Variants in JAG2 observed in about 807,000 individuals in gnomAD.
The protein encoded by JAG2 is jagged canonical Notch ligand 2.
In JAG2, 46 loss-of-function variants were observed where a neutral mutation model predicts 141.7. That is an observed-to-expected ratio of 0.32 (90% CI 0.26 to 0.42). The LOEUF (loss-of-function observed/expected upper bound fraction) is 0.42. Ranked by LOEUF, JAG2 falls within the 10% of genes least tolerant of loss-of-function variation. The probability of loss-of-function intolerance (pLI) is 1.00; values close to 1 mark genes in which losing one functional copy is unlikely to be tolerated. For missense variants in JAG2, 1,500 were observed against 1,817.5 expected (o/e 0.83, Z 3.18); for synonymous variants, 862 against 763.5 (o/e 1.13, Z -2.13).
chr14:105,146,323 G>T, intron 22 of JAG2, 62 bp downstream of exon 22: 4 of 1,397,648 alleles, frequency 2.9e-6, no homozygotes, highest in South Asian at 2.3e-5. Context: ...ATCTCACAGA[G>T]TGGCCAGGGT....
rs1595174256 is a variant in JAG2 at position 105,147,130 on chromosome 14, A to C, written c.2479+196T>G. 25 of 636,886 alleles carry C rather than the reference A, an allele frequency of 3.9e-5. No homozygotes were observed. In the East Asian group the frequency reaches 6.6e-4, roughly 17 times the overall value. The allele number at this position is 636,886 out of a possible 1,614,324, so 39.5% of individuals were successfully genotyped here. A position where few individuals can be genotyped will look rare whatever the true frequency, so the allele number is the denominator to read the frequency against. ...CTGGTCCCCCAGGCTGGGGCTCCCC[A>C]CTTAATCACTTGGCAGGGTATACAG... On this transcript the variant is annotated intron_variant, in intron 20 of 25. Coordinates refer to ENST00000331782, the MANE Select transcript of JAG2 (RefSeq NM_002226.5).
chr14:105,147,426 G>T lies in JAG2; in HGVS notation c.2394-15C>A. On this transcript the variant is annotated splice_polypyrimidine_tract_variant and intron_variant, in intron 19 of 25. Coordinates refer to ENST00000331782, the MANE Select transcript of JAG2 (RefSeq NM_002226.5). ...CACCATTGTAGCTGCAGAGCAGAGG[G>T]TGGGCATCAGGTGGCCCCCCGTGGT... The T allele has an allele frequency of 6.2e-7, 1 of 1,611,174 alleles. No individual in the cohort carries two copies. The highest frequency in any genetic ancestry group is 8.5e-7 in the Non-Finnish European group (1 of 1,179,106).
Position 105,151,070 on chromosome 14 carries a change from G to A in JAG2, c.1302C>T (p.Asn434=), listed in dbSNP as rs369448615. ...ANECEGKPCL[N]AFSCKNLIGG... is the part of the protein sequence containing the mutation. The stretch of plus-strand genomic sequence containing the variant: ...CAATCAGGTTTTTGCAAGAAAAAGC[G>A]TTAAGGCATGGCTTCCCTTCACACT... The change falls in exon 10 of 26, where the codon AAC becomes AAT. Residue 434 remains asparagine, a synonymous_variant. Coordinates refer to ENST00000331782, the MANE Select transcript of JAG2 (RefSeq NM_002226.5). 3.2e-5 allele frequency: 52 copies of A among 1,613,162 alleles called. No homozygotes were observed. The highest frequency in any genetic ancestry group is 6.6e-5 in the South Asian group (6 of 90,992).
At position 105,142,953 on chromosome 14, in the gene JAG2, G is replaced by A. The variant is rs766097766; in HGVS notation, c.3459C>T (p.Asn1153=). 1.9e-6 allele frequency: 3 copies of A among 1,609,926 alleles called. No individual in the cohort carries two copies. In the South Asian group the frequency reaches 3.3e-5, roughly 18 times the overall value. ...GHKDVLYQCK[N]FTPPPRRADE... ...CCGCCCTGCGCGGCGGCGGCGTGAA[G>A]TTCTTGCACTGGTAGAGCACGTCCT... is the stretch of plus-strand genomic sequence containing the variant. Residue 1153 remains asparagine (N), a synonymous_variant, in exon 26 of 26, where the codon AAC becomes AAT. Transcript: ENST00000331782.
rs1303581545 is a variant in JAG2, at chr14:105,151,312, T to C, written c.1238A>G (p.Glu413Gly). The C allele has an allele frequency of 1.2e-6, 2 of 1,612,474 alleles. No individual in the cohort carries two copies. The highest frequency in any genetic ancestry group is 1.7e-6 in the Non-Finnish European group (2 of 1,179,952). Residue 413 changes from glutamate (E) to glycine (G), a missense_variant, in exon 9 of 26, where the codon GAG (glutamate) becomes GGG (glycine). By Grantham distance (98) the Glu-to-Gly change is moderately conservative. This residue lies in a region of JAG2 where 875 missense variants were observed against 1,202.2 expected (regional missense o/e 0.73). Coordinates refer to ENST00000331782, the MANE Select transcript of JAG2 (RefSeq NM_002226.5). ...CTGGCAGGTGGCCCCCACCCACTGC[T>C]CGGGGCAGATGCACTCAAAGCCGTC... ...QVDGFECICP[E>G]QWVGATCQLD...
rs909684247 is a variant in JAG2 at position 105,168,678 on chromosome 14, CCGG to C, written c.-261_-259del. On this transcript the variant is annotated 5_prime_UTR_variant, in exon 1 of 26. Coordinates refer to ENST00000331782, the MANE Select transcript of JAG2 (RefSeq NM_002226.5). ...TCCGGCTGCCCGGCCCGGCTCCCAC[CCGG>C]CGGCGACGGCGGCGGCGGTGAAGGC... The C allele has an allele frequency of 2.0e-5, 3 of 151,580 alleles. No homozygotes were observed. The highest frequency in any genetic ancestry group is 7.4e-5 in the African/African-American group (3 of 40,758). 9.4% of individuals were successfully genotyped at this position (151,580 alleles called of 1,614,324 possible). A position where few individuals can be genotyped will look rare whatever the true frequency, so the allele number is the denominator to read the frequency against.
At chr14:105,150,536 C>A in intron 12 of JAG2, 68 bp downstream of exon 12, 1 of 1,459,222 alleles carries the variant, frequency 6.9e-7, no homozygotes, top group South Asian at 1.3e-5. Context: ...GCCCCATGGT[C>A]AGGGGACGAG....
chr14:105,144,568 G>C (rs1264340735), intron 24 of JAG2, among the ~76,000 whole-genome samples: 1 of 152,176 alleles, frequency 6.6e-6, no homozygotes, highest in Non-Finnish European at 1.5e-5. Flanking sequence ...ACACCCCCCA[G>C]GTCCAGGGCA....
In JAG2 at chr14:105,143,299, TG is replaced by T. The variant is rs1888120165; in HGVS notation, c.3242-130del. 3.0e-6 allele frequency: 4 copies of T among 1,315,496 alleles called. No homozygotes were observed. The South Asian group carries it at 5.1e-5, about 17-fold the overall frequency. The allele number at this position is 1,315,496 out of a possible 1,614,324, so 81.5% of individuals were successfully genotyped here. The stretch of plus-strand genomic sequence containing the variant: ...GCCCCACCCTCCGGTTGCTGGCTCG[TG>T]GGGAGGGTCCCAGGACGGGGGCTGG... On this transcript the variant is annotated intron_variant, in intron 25 of 25. Transcript: ENST00000331782.
chr14:105,164,024 C>T (rs1040203852), intron 2 of JAG2, among the ~76,000 whole-genome samples: 1 of 152,102 alleles, frequency 6.6e-6, no homozygotes, highest in East Asian at 1.9e-4. Flanking sequence ...CTCATAAAGA[C>T]ACCATGGAGC....
At position 105,167,461 on chromosome 14, in the gene JAG2, A is replaced by T. The variant is rs1419705627; in HGVS notation, c.417+296T>A. 6.6e-6 allele frequency among the ~76,000 whole-genome samples: 1 copy of T among 151,018 alleles called. No homozygotes were observed. The highest frequency in any genetic ancestry group is 2.4e-5 in the African/African-American group (1 of 41,158). ...GGCGCCTCGCCTCGCCTCCCCACCC[A>T]GACAGACACGCGCAGGGCGACGCAG... On this transcript the variant is annotated intron_variant, in intron 2 of 25. Transcript: ENST00000331782. This position sits in a 1 kb window ranked among gnomAD's most constrained non-coding sequence, Gnocchi z 4.8.
At chr14:105,164,425 G>A (rs1888849872) in intron 2 of JAG2, among the ~76,000 whole-genome samples, 1 of 152,216 alleles carries the variant, frequency 6.6e-6, no homozygotes, top group African/African-American at 2.4e-5. Context: ...TACCAGACCA[G>A]CCAGCTCTCC....
Position 105,154,975 on chromosome 14 carries a change from C to A in JAG2, c.788+587G>T, listed in dbSNP as rs1888536913. The stretch of plus-strand genomic sequence containing the variant: ...GTGCGCCTCTCCCCCTTCCACTGAC[C>A]CCCTCCCCATCCCGCTGGCCCCTCC... On this transcript the variant is annotated intron_variant, in intron 5 of 25. Transcript: ENST00000331782. The surrounding 1 kb of genome is among the most constrained non-coding windows in gnomAD (Gnocchi z 4.4). Among the ~76,000 whole-genome samples the A allele has an allele frequency of 6.9e-6, 1 of 144,550 alleles. No individual in the cohort carries two copies. The highest frequency in any genetic ancestry group is 2.6e-5 in the African/African-American group (1 of 38,496). The allele number at this position is 144,550 out of a possible 152,430, so 94.8% of individuals were successfully genotyped here. A position where few individuals can be genotyped will look rare whatever the true frequency, so the allele number is the denominator to read the frequency against.
Position 105,142,584 on chromosome 14 carries a change from G to GTT in JAG2, c.*109_*110dup, listed in dbSNP as rs145952626. The stretch of plus-strand genomic sequence containing the variant: ...AAACATTTGGTTTTTGTTTTTGGTG[G>GTT]TTTTTTTACACAAAATAAAGAAACT... On this transcript the variant is annotated 3_prime_UTR_variant, in exon 26 of 26. Transcript: ENST00000331782. 1.1e-5 allele frequency: 9 copies of GTT among 785,944 alleles called. No homozygotes were observed. Among genetic ancestry groups the GTT allele is most frequent in the Admixed American group, 2.9e-5 (1 of 34,158 alleles). 48.7% of individuals were successfully genotyped at this position (785,944 alleles called of 1,614,324 possible).
At chr14:105,160,954 C>T (rs751944676) in intron 2 of JAG2, among the ~76,000 whole-genome samples, 2 of 151,944 alleles carry the variant, frequency 1.3e-5, no homozygotes, top group Non-Finnish European at 2.9e-5. Flanking sequence ...AGCTGCATGG[C>T]AGAGCCCACA....
rs587762118 is a variant in JAG2 at position 105,151,469 on chromosome 14, G to A, written c.1154-73C>T. 20 of 1,452,940 alleles carry A rather than the reference G, an allele frequency of 1.4e-5. No homozygotes were observed. The African/African-American group carries it at 1.7e-4, about 12-fold the overall frequency. 90.0% of individuals were successfully genotyped at this position (1,452,940 alleles called of 1,614,324 possible). On this transcript the variant is annotated intron_variant, in intron 8 of 25. Transcript: ENST00000331782. ...AATAAGGTCCCCATGGGCAGGTGGC[G>A]CTGCAAGCCTGGGTCTTCCTGCCAT...
At chr14:105,145,686 C>A in intron 23 of JAG2, 45 bp downstream of exon 23, 3 of 1,560,962 alleles carry the variant, frequency 1.9e-6, no homozygotes, top group Non-Finnish European at 1.7e-6. Context: ...CGAGCAGATG[C>A]CGGCGTGTGG....
intron 2 of JAG2, among the ~76,000 whole-genome samples, chr14:105,165,348 G>A (rs755078276): frequency 6.6e-5 from 10 of 152,228 alleles, no homozygotes; most frequent in Non-Finnish European, 1.5e-4. Flanking sequence ...CGGGGTGCGT[G>A]CACACACGCA....
At chr14:105,158,513 C>T (rs587657712) in intron 2 of JAG2, among the ~76,000 whole-genome samples, 4 of 152,286 alleles carry the variant, frequency 2.6e-5, no homozygotes, top group East Asian at 3.9e-4. Context: ...TGGCGACAGG[C>T]GATGCTGTCA....
Sources: gnomAD v4.1 joint callset for allele counts (sites outside exome capture counted in the v4.1 genomes callset) on GRCh38, gnomAD v4.1.1 for gene constraint, gnomAD v4.1.1 regional missense constraint, Gnocchi (gnomAD v3.1) non-coding constraint, MANE v1.5 for transcripts, NCBI Gene and HGNC (gene_info 2026-07-23, HGNC 2026-07-21) for gene names.